PARP8: variants seen among roughly 807,000 people sequenced by gnomAD.
The protein encoded by PARP8 is protein mono-ADP-ribosyltransferase PARP8.
Under a neutral mutation model 124.1 loss-of-function variants are expected in PARP8, and 51 were observed. The ratio of observed to expected loss-of-function variants is 0.41; its 90% CI spans 0.33 to 0.52. The LOEUF (loss-of-function observed/expected upper bound fraction) is 0.52. Ranked by LOEUF, PARP8 falls within the 20% of genes least tolerant of loss-of-function variation. PARP8 has a pLI of 0.21. For missense variants in PARP8, 860 were observed against 1,018.9 expected (o/e 0.84, Z 2.12); for synonymous variants, 391 against 361.5 (o/e 1.08, Z -0.93).
chr5:50,824,709 T>C (rs1746148328), intron 17 of PARP8, among the ~76,000 whole-genome samples, 199 bp from the exon 18 acceptor site: 1 of 152,038 alleles, frequency 6.6e-6, no homozygotes. Context: ...TTTGGGCAAG[T>C]CATTTTGGTG....
intron 2 of PARP8, among the ~76,000 whole-genome samples, chr5:50,703,386 T>G (rs1187770801): frequency 2.0e-5 from 3 of 151,956 alleles, no homozygotes; most frequent in Admixed American, 6.6e-5. Context: ...TAAGAAATAA[T>G]TTGTCTTCAT....
At chr5:50,748,031 A>G (rs1018843441) in intron 2 of PARP8, among the ~76,000 whole-genome samples, 1 of 151,856 alleles carries the variant, frequency 6.6e-6, no homozygotes, top group Admixed American at 6.6e-5. Context: ...ATTAACATTC[A>G]ATGAAGTTAT....
At chr5:50,756,309 G>A (rs1160877373) in intron 3 of PARP8, among the ~76,000 whole-genome samples, 2 of 152,036 alleles carry the variant, frequency 1.3e-5, no homozygotes, top group African/African-American at 4.8e-5. Context: ...TATGATATTG[G>A]CTGTGGGTTT....
chr5:50,796,192 A>C (rs1470074622), intron 12 of PARP8, among the ~76,000 whole-genome samples: 1 of 152,168 alleles, frequency 6.6e-6, no homozygotes, highest in East Asian at 1.9e-4. Context: ...CTAAATATAT[A>C]TGTGTGTATG....
Position 50,795,031 on chromosome 5 carries a change from C to T in PARP8, c.1042C>T (p.Pro348Ser). The change falls in exon 12 of 26, where the codon CCC (proline) becomes TCC (serine). Residue 348 changes from proline to serine, a missense_variant. Pro to Ser is a moderately conservative substitution (Grantham distance 74). This residue lies in a region of PARP8 where 517 missense variants were observed against 544.2 expected (regional missense o/e 0.95). Coordinates refer to ENST00000281631, the MANE Select transcript of PARP8 (RefSeq NM_024615.4). ...CTTTGGCCGCTCCTTGTCCAGCGATCCCAGGGCGGAGCAGGCTATGACAGC... is the reference window on the plus strand; with the variant it reads ...CTTTGGCCGCTCCTTGTCCAGCGATTCCAGGGCGGAGCAGGCTATGACAGC... ...RTFGRSLSSD[P>S]RAEQAMTAIK... 1 of 1,614,174 alleles carries T rather than the reference C, an allele frequency of 6.2e-7. No individual in the cohort carries two copies. Among genetic ancestry groups the T allele is most frequent in the Non-Finnish European group, 8.5e-7 (1 of 1,180,026 alleles).
intron 2 of PARP8, among the ~76,000 whole-genome samples, chr5:50,709,984 A>G (rs1007906537): frequency 3.4e-5 from 5 of 147,734 alleles, no homozygotes; most frequent in Non-Finnish European, 6.0e-5. Flanking sequence ...ACACACACAT[A>G]TATATACATA....
intron 10 of PARP8, among the ~76,000 whole-genome samples, chr5:50,793,417 G>T (rs1041358000): frequency 6.6e-6 from 1 of 152,188 alleles, no homozygotes; most frequent in Non-Finnish European, 1.5e-5. Context: ...CCAAGCCAAA[G>T]ACCTTTCCCA....
chr5:50,706,062 T>C (rs1413675713), intron 2 of PARP8, among the ~76,000 whole-genome samples: 1 of 152,192 alleles, frequency 6.6e-6, no homozygotes, highest in Non-Finnish European at 1.5e-5. Context: ...ACAATTGCTT[T>C]CTAAATTGGT....
chr5:50,796,200 A>G (rs559581408), intron 12 of PARP8, among the ~76,000 whole-genome samples: 1 of 152,260 alleles, frequency 6.6e-6, no homozygotes, highest in East Asian at 1.9e-4. Context: ...ATATGTGTGT[A>G]TGTTGGGGGT....
chr5:50,685,086 T>A (rs772069471), intron 2 of PARP8, among the ~76,000 whole-genome samples: 1 of 152,168 alleles, frequency 6.6e-6, no homozygotes, highest in Non-Finnish European at 1.5e-5. Flanking sequence ...AAAATGTTAT[T>A]TGCAGTTGAT....
chr5:50,712,702 A>G (rs1754892377), intron 2 of PARP8, among the ~76,000 whole-genome samples: 1 of 152,124 alleles, frequency 6.6e-6, no homozygotes, highest in South Asian at 2.1e-4. Flanking sequence ...GTATAATGTC[A>G]TAAGTGACAA....
intron 25 of PARP8, among the ~76,000 whole-genome samples, chr5:50,836,212 G>A (rs1213934440): frequency 6.6e-6 from 1 of 152,154 alleles, no homozygotes; most frequent in African/African-American, 2.4e-5. Flanking sequence ...GCAGCAGTGA[G>A]TATAGGAGAA....
intron 2 of PARP8, among the ~76,000 whole-genome samples, chr5:50,698,666 A>AGAT (rs1753280955): frequency 1.3e-5 from 2 of 152,292 alleles, no homozygotes; most frequent in African/African-American, 4.8e-5. Flanking sequence ...TATCCTGATG[A>AGAT]GATAGTACCT....
At chr5:50,717,668 G>A (rs568613190) in intron 2 of PARP8, among the ~76,000 whole-genome samples, 2 of 152,104 alleles carry the variant, frequency 1.3e-5, no homozygotes, top group East Asian at 3.9e-4. Flanking sequence ...GGGTTCTGCA[G>A]TTGAAACTAA....
intron 19 of PARP8, 108 bp from the exon 20 acceptor site, chr5:50,827,836 A>G (rs1249280316): frequency 6.5e-6 from 5 of 763,882 alleles, no homozygotes; most frequent in Non-Finnish European, 1.1e-5. Context: ...GAAAATTACT[A>G]TAGTTTGAAA....
intron 14 of PARP8, among the ~76,000 whole-genome samples, chr5:50,812,211 A>G (rs181156377): frequency 2.0e-5 from 3 of 152,306 alleles, no homozygotes; most frequent in Admixed American, 2.0e-4. Context: ...TCCCACCAAC[A>G]GAGTAAAAAC....
At chr5:50,766,367 A>G (rs1761061963) in intron 7 of PARP8, among the ~76,000 whole-genome samples, 1 of 152,186 alleles carries the variant, frequency 6.6e-6, no homozygotes, top group African/African-American at 2.4e-5. Context: ...TATGTTTTTC[A>G]TTGTAAATGT....
chr5:50,764,580 G>C (rs1178377512), intron 7 of PARP8, among the ~76,000 whole-genome samples: 2 of 152,178 alleles, frequency 1.3e-5, no homozygotes, highest in Non-Finnish European at 1.5e-5. Flanking sequence ...TTCTATTCAT[G>C]AAGGTATATT....
chr5:50,677,498 A>G (rs1750769095), intron 2 of PARP8, among the ~76,000 whole-genome samples: 1 of 152,142 alleles, frequency 6.6e-6, no homozygotes, highest in Non-Finnish European at 1.5e-5. Context: ...GGAGCAGTCC[A>G]TCGTTATGGG....
Sources: allele counts gnomAD v4.1 joint callset (sites outside exome capture counted in the v4.1 genomes callset), GRCh38; gene constraint gnomAD v4.1.1; regional missense constraint gnomAD v4.1.1; transcripts MANE v1.5; gene names NCBI Gene and HGNC (gene_info 2026-07-23, HGNC 2026-07-21).